JMJD1C: variants seen among roughly 807,000 people sequenced by gnomAD.
JMJD1C encodes the protein jumonji domain containing 1C, also known as jumonji domain-containing protein 1C.
Under a neutral mutation model 245.3 loss-of-function variants are expected in JMJD1C, and 31 were observed. That is an observed-to-expected ratio of 0.13 (90% confidence interval 0.09 to 0.17). JMJD1C has a LOEUF of 0.17. JMJD1C is among the 10% of genes least tolerant of loss of function. The pLI is 1.00. For synonymous variants in JMJD1C, 1,057 were observed against 1,017.4 expected (o/e 1.04, Z -0.74); for missense variants, 2,691 against 3,000.2 (o/e 0.90, Z 2.41).
intron 18 of JMJD1C, among the ~76,000 whole-genome samples, chr10:63,187,738 G>A (rs1844298337): frequency 6.6e-6 from 1 of 152,148 alleles, no homozygotes; most frequent in Non-Finnish European, 1.5e-5. Flanking sequence ...ACAGCACCAG[G>A]CCTGTAAAGC....
chr10:63,413,939 T>A (rs538782919), intron 1 of JMJD1C, among the ~76,000 whole-genome samples: 1 of 151,812 alleles, frequency 6.6e-6, no homozygotes, highest in Non-Finnish European at 1.5e-5. Flanking sequence ...GAAAAATACC[T>A]ACTTTTACAA....
chr10:63,359,118 T>C (rs1945109791), intron 2 of JMJD1C: 1 of 153,002 alleles, frequency 6.5e-6, no homozygotes, highest in Admixed American at 6.5e-5. Flanking sequence ...TAAATTGGAG[T>C]TGTTTCATAA....
intron 2 of JMJD1C, among the ~76,000 whole-genome samples, chr10:63,340,493 T>C (rs1943268582): frequency 6.6e-6 from 1 of 152,218 alleles, no homozygotes; most frequent in Admixed American, 6.5e-5. Context: ...CCTTCAGATA[T>C]TCCTACGGGT....
At chr10:63,257,528 C>T (rs978869719) in intron 3 of JMJD1C, among the ~76,000 whole-genome samples, 2 of 152,178 alleles carry the variant, frequency 1.3e-5, no homozygotes, top group African/African-American at 4.8e-5. Flanking sequence ...TTTAGTCTAA[C>T]TCTTTTATTT....
chr10:63,269,365 G>T, intron 2 of JMJD1C: 1 of 215,694 alleles, frequency 4.6e-6, no homozygotes, highest in Non-Finnish European at 7.9e-6. Flanking sequence ...CGGCCATAGA[G>T]ACTGGCTCAT....
intron 2 of JMJD1C, among the ~76,000 whole-genome samples, chr10:63,360,323 T>C (rs775682139): frequency 6.6e-6 from 1 of 152,134 alleles, no homozygotes; most frequent in Non-Finnish European, 1.5e-5. Context: ...ATCATGCCAC[T>C]GCATTTCAGC....
Position 63,231,412 on chromosome 10 carries a change from T to C in JMJD1C, c.448-11429A>G, listed in dbSNP as rs376014541. ...TCCTGCCAAACACAATCAAAAACACTGATTAGTTATAGAAATCAATGAGCA... is the reference window on the plus strand; with the variant it reads ...TCCTGCCAAACACAATCAAAAACACCGATTAGTTATAGAAATCAATGAGCA... On this transcript the variant is annotated intron_variant, in intron 3 of 25. Coordinates refer to ENST00000399262, the MANE Select transcript of JMJD1C (RefSeq NM_032776.3). Among the ~76,000 whole-genome samples, 7 of 152,282 alleles carry C rather than the reference T, an allele frequency of 4.6e-5. No individual in the cohort carries two copies. The East Asian group carries it at 9.6e-4, about 21-fold the overall frequency.
chr10:63,214,394 C>T lies in JMJD1C; in HGVS notation c.1773G>A (p.Met591Ile), dbSNP rs1302677852. The T allele has an allele frequency of 6.8e-6, 11 of 1,613,872 alleles. No homozygotes were observed. Among genetic ancestry groups the T allele is most frequent in the Non-Finnish European group, 9.3e-6 (11 of 1,179,966 alleles). The change falls in exon 8 of 26, where the codon ATG becomes ATA. Residue 591 changes from methionine (M) to isoleucine (I), a missense_variant. By Grantham distance (10) the Met-to-Ile change is conservative. Transcript: ENST00000399262. ...TGTAAGAGACATACTTCTCTTTTTC[C>T]ATGTTCAAGTGATCATTTCCTGAAG... is the stretch of plus-strand genomic sequence containing the variant. The part of the protein sequence containing the change: ...NASSGNDHLN[M>I]EKEKYVSYIS...
chr10:63,271,568 T>C (rs1856301366), intron 2 of JMJD1C, among the ~76,000 whole-genome samples: 1 of 152,060 alleles, frequency 6.6e-6, no homozygotes, highest in Non-Finnish European at 1.5e-5. Flanking sequence ...AAAATTTTTT[T>C]GAGATAGAGT....
At chr10:63,293,227 A>G (rs1486272558) in intron 2 of JMJD1C, among the ~76,000 whole-genome samples, 1 of 152,172 alleles carries the variant, frequency 6.6e-6, no homozygotes, top group African/African-American at 2.4e-5. Context: ...GGTGGTCTCA[A>G]TGCCACCAAA....
At chr10:63,395,243 C>T (rs1474944663) in intron 1 of JMJD1C, among the ~76,000 whole-genome samples, 1 of 152,076 alleles carries the variant, frequency 6.6e-6, no homozygotes, top group African/African-American at 2.4e-5. Context: ...CTTTGGGAGG[C>T]CAAGGCAAGC....
At chr10:63,347,067 ATTT>A (rs71025162) in intron 2 of JMJD1C, among the ~76,000 whole-genome samples, 1,226 of 104,188 alleles carry the variant, frequency 0.012, 4 homozygotes, top group Non-Finnish European at 0.014. Context: ...AATGAAAAGA[ATTT>A]TTTTTTTTTT....
intron 22 of JMJD1C, among the ~76,000 whole-genome samples, chr10:63,178,673 T>C (rs1185163803): frequency 6.6e-6 from 1 of 152,232 alleles, no homozygotes; most frequent in Non-Finnish European, 1.5e-5. Context: ...GGTTAATCTG[T>C]AATCAAATGC....
chr10:63,515,924 T>A (rs983865309), intron 1 of JMJD1C, among the ~76,000 whole-genome samples: 14 of 152,188 alleles, frequency 9.2e-5, no homozygotes, highest in African/African-American at 3.4e-4. Flanking sequence ...TTTATATTGG[T>A]TTTGGAGGCA....
At chr10:63,216,587 G>A (rs1047529745) in intron 5 of JMJD1C, among the ~76,000 whole-genome samples, 1 of 152,120 alleles carries the variant, frequency 6.6e-6, no homozygotes, top group African/African-American at 2.4e-5. Flanking sequence ...GCGGGCGCCT[G>A]TAGTCACAGC....
intron 1 of JMJD1C, among the ~76,000 whole-genome samples, chr10:63,382,533 G>C (rs962812488): frequency 3.3e-5 from 5 of 152,046 alleles, no homozygotes; most frequent in African/African-American, 1.2e-4. Flanking sequence ...ACTAGGAACA[G>C]GATGAAAATA....
intron 2 of JMJD1C, among the ~76,000 whole-genome samples, chr10:63,313,256 GGTT>G (rs1020675384): frequency 1.3e-5 from 2 of 152,144 alleles, no homozygotes; most frequent in African/African-American, 4.8e-5. Context: ...ATCCCATCCA[GGTT>G]GTTGTGAATG....
At chr10:63,269,440 C>T (rs1374172756) in intron 2 of JMJD1C, among the ~76,000 whole-genome samples, 1 of 152,176 alleles carries the variant, frequency 6.6e-6, no homozygotes, top group African/African-American at 2.4e-5. Context: ...CTGTCTCCTT[C>T]ATAAAGCAAA....
At chr10:63,483,315 AC>A (rs1953885080) in intron 1 of JMJD1C, among the ~76,000 whole-genome samples, 1 of 152,240 alleles carries the variant, frequency 6.6e-6, no homozygotes. Context: ...ACATACCATA[AC>A]ATTAGTTTCC....
Sources: allele counts gnomAD v4.1 joint callset (sites outside exome capture counted in the v4.1 genomes callset), GRCh38; gene constraint gnomAD v4.1.1; transcripts MANE v1.5; gene names NCBI Gene and HGNC (gene_info 2026-07-23, HGNC 2026-07-21).